The following SLC23A2 variants were observed in gnomAD, a reference collection of about 807,000 sequenced individuals.
SLC23A2 encodes the protein solute carrier family 23 member 2, also known as Na(+)/L-ascorbic acid transporter 2.
A neutral mutation model predicts 73.3 loss-of-function variants in SLC23A2; 36 were observed. That is an observed-to-expected ratio of 0.49 (90% CI 0.38 to 0.65). SLC23A2 has a LOEUF of 0.65. Ranked by LOEUF, SLC23A2 falls within the 30% of genes least tolerant of loss-of-function variation. The pLI, the probability that SLC23A2 is intolerant of heterozygous loss-of-function variation, is 0.00. For synonymous variants in SLC23A2, 343 were observed against 327.3 expected, an observed-to-expected ratio of 1.05 and a Z score of -0.52; for missense variants, 507 against 841.6, an observed-to-expected ratio of 0.60 and a Z score of 4.92.
chr20:4,958,191 C>T (rs1262938378), intron 2 of SLC23A2, among the ~76,000 whole-genome samples: 5 of 152,338 alleles, frequency 3.3e-5, no homozygotes, highest in South Asian at 2.1e-4. Context: ...CACTGGCATC[C>T]GTGCCCCTCA....
At chr20:4,974,481 A>C (rs1462636625) in intron 1 of SLC23A2, among the ~76,000 whole-genome samples, 1 of 150,828 alleles carries the variant, frequency 6.6e-6, no homozygotes, top group African/African-American at 2.5e-5. Flanking sequence ...AAATAAAAAA[A>C]ATAATAATAA....
intron 2 of SLC23A2, among the ~76,000 whole-genome samples, chr20:4,967,904 T>C (rs1328874030): frequency 6.6e-6 from 1 of 152,170 alleles, no homozygotes; most frequent in Non-Finnish European, 1.5e-5. Context: ...CAATCACCTG[T>C]ATGTTATTAA....
chr20:4,966,835 C>CACACACACAT (rs1555806641), intron 2 of SLC23A2, among the ~76,000 whole-genome samples: 10 of 147,458 alleles, frequency 6.8e-5, no homozygotes, highest in East Asian at 2.0e-4. Context: ...CACACACACA[C>CACACACACAT]ACACACACAC....
At chr20:4,969,738 C>T (rs2087533755) in intron 2 of SLC23A2, among the ~76,000 whole-genome samples, 2 of 152,028 alleles carry the variant, frequency 1.3e-5, no homozygotes, top group African/African-American at 4.8e-5. Context: ...GCGTGCACCA[C>T]CACATCCAGA....
chr20:4,953,742 A>C (rs938377794), intron 2 of SLC23A2, among the ~76,000 whole-genome samples: 2 of 152,138 alleles, frequency 1.3e-5, no homozygotes, highest in African/African-American at 4.8e-5. Context: ...TACAAAAATT[A>C]GCTGAGTGTG....
At chr20:4,981,283 C>T (rs890994933) in intron 1 of SLC23A2, among the ~76,000 whole-genome samples, 1 of 152,134 alleles carries the variant, frequency 6.6e-6, no homozygotes, top group African/African-American at 2.4e-5. Flanking sequence ...AGAAAGTGCA[C>T]GAACAGACCT....
At chr20:4,878,142 A>G (rs760990752) in intron 9 of SLC23A2, among the ~76,000 whole-genome samples, 9 of 152,172 alleles carry the variant, frequency 5.9e-5, no homozygotes, top group Non-Finnish European at 1.0e-4. Context: ...AGAACTCTTT[A>G]CGAGTTAGGG....
Position 4,853,139 on chromosome 20 carries a change from T to C in SLC23A2, c.*3833A>G, listed in dbSNP as rs1929586285. ...GAGGAGGCTCCCTGGAGAAGCGAGC[T>C]TTGCGAATGCTCAGGCCCGGAGCCG... On this transcript the variant is annotated 3_prime_UTR_variant, in exon 17 of 17. Transcript: ENST00000338244. 1 of 152,294 alleles carries C rather than the reference T, an allele frequency of 6.6e-6. No individual in the cohort carries two copies. The highest frequency in any genetic ancestry group is 6.5e-5 in the Admixed American group (1 of 15,286). The allele number at this position is 152,294 out of a possible 1,614,324, so 9.4% of individuals were successfully genotyped here.
intron 1 of SLC23A2, among the ~76,000 whole-genome samples, chr20:4,996,259 GAAGA>G (rs1168951867): frequency 1.3e-5 from 2 of 152,228 alleles, no homozygotes; most frequent in East Asian, 3.9e-4. Context: ...ATTCAACTTA[GAAGA>G]TAGAGGGATT....
At chr20:4,906,300 C>A (rs566575299) in intron 4 of SLC23A2, among the ~76,000 whole-genome samples, 2 of 152,292 alleles carry the variant, frequency 1.3e-5, no homozygotes, top group African/African-American at 4.8e-5. Flanking sequence ...GATCATGCCA[C>A]TGCACTCCAG....
At chr20:5,002,491 C>T (rs1340332854), upstream of SLC23A2, among the ~76,000 whole-genome samples, 1 of 152,206 alleles carries the variant, frequency 6.6e-6, no homozygotes, top group African/African-American at 2.4e-5. Context: ...TACTAGTTCC[C>T]GGGCAACTCT....
chr20:4,867,383 C>T (rs2122786033), intron 13 of SLC23A2, among the ~76,000 whole-genome samples: 1 of 152,284 alleles, frequency 6.6e-6, no homozygotes, highest in Non-Finnish European at 1.5e-5. Context: ...CCATGTTTCC[C>T]CCAGTACTTG....
At chr20:4,900,593 C>T (rs567690429) in intron 5 of SLC23A2, among the ~76,000 whole-genome samples, 91 of 152,288 alleles carry the variant, frequency 6.0e-4, no homozygotes, top group African/African-American at 2.0e-3. Flanking sequence ...AAGTTACATA[C>T]GCATGGAGTG....
chr20:4,938,312 C>CATGAGA (rs2086991501), intron 2 of SLC23A2, among the ~76,000 whole-genome samples: 1 of 150,958 alleles, frequency 6.6e-6, no homozygotes, highest in Non-Finnish European at 1.5e-5. Context: ...GCCACTGCAC[C>CATGAGA]TGTAATCCAG....
Position 4,947,978 on chromosome 20 carries a change from AT to A in SLC23A2, c.-154-15263del, listed in dbSNP as rs1287158854. The stretch of plus-strand genomic sequence containing the variant: ...TGGGAGCCTGGATAACTTCCAGGAG[AT>A]GGCTGTGCCCTGCTGATTCAGTCCC... On this transcript the variant is annotated intron_variant, in intron 2 of 16. Transcript: ENST00000338244. This position sits in a 1 kb window ranked among gnomAD's most constrained non-coding sequence, Gnocchi z 4.4. Among the ~76,000 whole-genome samples the A allele has an allele frequency of 1.3e-5, 2 of 152,130 alleles. No homozygotes were observed. The highest frequency in any genetic ancestry group is 1.5e-5 in the Non-Finnish European group (1 of 68,020).
chr20:4,913,034 C>A (rs543346270), intron 3 of SLC23A2, 56 bp from the exon 4 acceptor site: 17 of 1,159,408 alleles, frequency 1.5e-5, no homozygotes, highest in Non-Finnish European at 1.7e-5. Context: ...TTTCCTCCCC[C>A]CGAAAGCCAT....
chr20:4,949,602 G>A (rs2087168399), intron 2 of SLC23A2, among the ~76,000 whole-genome samples: 1 of 152,020 alleles, frequency 6.6e-6, no homozygotes, highest in Non-Finnish European at 1.5e-5. Context: ...TAATGCAGCT[G>A]TGCAAAACTG....
chr20:5,003,314 G>A (rs2088153370), upstream of SLC23A2, among the ~76,000 whole-genome samples: 1 of 152,062 alleles, frequency 6.6e-6, no homozygotes, highest in Admixed American at 6.6e-5. Flanking sequence ...AACCCGGGAG[G>A]CGGAGCTTGC....
At chr20:5,009,109 C>G (rs1249755885) in intron 1 of SLC23A2, among the ~76,000 whole-genome samples, 1 of 152,176 alleles carries the variant, frequency 6.6e-6, no homozygotes, top group Admixed American at 6.6e-5. Flanking sequence ...TCTTAATTTT[C>G]TGGAGGCATT....
Sources: allele counts gnomAD v4.1 joint callset (sites outside exome capture counted in the v4.1 genomes callset), GRCh38; gene constraint gnomAD v4.1.1; non-coding constraint Gnocchi (gnomAD v3.1); transcripts MANE v1.5; gene names NCBI Gene and HGNC (gene_info 2026-07-23, HGNC 2026-07-21).